Variants in ORC4 observed in about 807,000 individuals in gnomAD.
ORC4 encodes the protein origin recognition complex, subunit 4 homolog.
In ORC4, 55 loss-of-function variants were observed where a neutral mutation model predicts 63.9. The ratio of observed to expected loss-of-function variants is 0.86; its 90% CI spans 0.69 to 1.08. ORC4 has a LOEUF of 1.08. ORC4 is among the 50% of genes least tolerant of loss of function. The probability of loss-of-function intolerance (pLI) is 0.00; values close to 1 mark genes in which losing one functional copy is unlikely to be tolerated. For missense variants in ORC4, 511 were observed against 504.4 expected, an observed-to-expected ratio of 1.01 and a Z score of -0.13; for synonymous variants, 150 against 168.5, an observed-to-expected ratio of 0.89 and a Z score of 0.85.
At chr2:148,016,738 G>A (rs1434097131) in intron 1 of ORC4, among the ~76,000 whole-genome samples, 1 of 152,184 alleles carries the variant, frequency 6.6e-6, no homozygotes, top group Non-Finnish European at 1.5e-5. Flanking sequence ...AAAATGTGTT[G>A]ATTGTAATGA....
intron 9 of ORC4, among the ~76,000 whole-genome samples, 169 bp from the exon 10 acceptor site, chr2:147,943,691 T>C (rs1286314443): frequency 6.6e-6 from 1 of 152,136 alleles, no homozygotes; most frequent in Non-Finnish European, 1.5e-5. Context: ...CAAAATAAAG[T>C]TTCCAGTCTA....
intron 1 of ORC4, among the ~76,000 whole-genome samples, chr2:147,987,017 T>A (rs1327691708): frequency 6.6e-6 from 1 of 152,018 alleles, no homozygotes; most frequent in African/African-American, 2.4e-5. Context: ...ACATGAAGTG[T>A]AAAAAAGGAA....
intron 6 of ORC4, 151 bp downstream of exon 6, chr2:147,958,147 T>C: frequency 1.7e-6 from 1 of 598,426 alleles, no homozygotes; most frequent in Non-Finnish European, 2.9e-6. Flanking sequence ...AAATGTATCC[T>C]ATACATTACA....
At chr2:147,939,364 T>TA in intron 10 of ORC4, 116 bp from the exon 11 acceptor site, 2 of 693,618 alleles carry the variant, frequency 2.9e-6, no homozygotes. Context: ...ATATTAATGC[T>TA]TAGGAAGGTA....
intron 6 of ORC4, among the ~76,000 whole-genome samples, chr2:147,956,755 T>A (rs1477258629): frequency 6.6e-6 from 1 of 152,062 alleles, no homozygotes; most frequent in Non-Finnish European, 1.5e-5. Flanking sequence ...AAACTAATAA[T>A]CTCTATATAT....
chr2:147,945,526 T>C (rs1215954927), intron 9 of ORC4, among the ~76,000 whole-genome samples: 1 of 152,072 alleles, frequency 6.6e-6, no homozygotes, highest in African/African-American at 2.4e-5. Flanking sequence ...CTACAGTACT[T>C]TGGGAGATTT....
intron 8 of ORC4, among the ~76,000 whole-genome samples, chr2:147,950,943 AT>A (rs35962777): frequency 4.5e-4 from 65 of 145,134 alleles, no homozygotes; most frequent in African/African-American, 4.6e-4. Flanking sequence ...CCAAAGGAAG[AT>A]TTTTTTTTTT....
Position 147,958,339 on chromosome 2 carries a change from T to G in ORC4, c.346A>C (p.Arg116=), listed in dbSNP as rs781521992. The change falls in exon 6 of 14, where the codon AGG becomes CGG. Residue 116 remains arginine (R), a synonymous_variant. Coordinates refer to ENST00000392857, the MANE Select transcript of ORC4 (RefSeq NM_181741.4). ...ACTACATTTTCCAGATTTAACTGCC[T>G]TGTGATTTCCTTTAGGGCGATTTTG... ...NDKIALKEIT[R]QLNLENVVGD... 4 of 1,612,404 alleles carry G rather than the reference T, an allele frequency of 2.5e-6. No homozygotes were observed. The African/African-American group carries it at 5.3e-5, about 22-fold the overall frequency.
Position 148,002,332 on chromosome 2 carries a change from AC to A in ORC4, c.-18+18300del, listed in dbSNP as rs1009452625. ...TACATTCTTCTCAGCACCACATCGCACTTATTCTAAAATTGACCACATAATT... is the reference window on the plus strand; with the variant it reads ...TACATTCTTCTCAGCACCACATCGCATTATTCTAAAATTGACCACATAATT... On this transcript the variant is annotated intron_variant, in intron 1 of 13. Coordinates refer to ENST00000392857, the MANE Select transcript of ORC4 (RefSeq NM_181741.4). Among the ~76,000 whole-genome samples, 20 of 152,300 alleles carry A rather than the reference AC, an allele frequency of 1.3e-4. No homozygotes were observed. In the South Asian group the frequency reaches 1.7e-3, roughly 13 times the overall value.
chr2:147,955,088 T>TA (rs577306996), intron 7 of ORC4, among the ~76,000 whole-genome samples: 166 of 152,112 alleles, frequency 1.1e-3, no homozygotes, highest in Middle Eastern at 0.01. Flanking sequence ...TTTATTGTTG[T>TA]AAAAAATCAC....
chr2:147,957,136 T>C (rs1488019476), intron 6 of ORC4, among the ~76,000 whole-genome samples: 1 of 147,712 alleles, frequency 6.8e-6, no homozygotes, highest in Non-Finnish European at 1.5e-5. Context: ...GATTATAATC[T>C]ATAATTACAT....
chr2:147,935,574 T>C lies in ORC4; in HGVS notation c.1247A>G (p.Gln416Arg). ...ATCTGTAGGACAGTTGGGATATTTCTGCAGAGCATTCATAATTTGAGTATT... is the reference window on the plus strand; with the variant it reads ...ATCTGTAGGACAGTTGGGATATTTCCGCAGAGCATTCATAATTTGAGTATT... ...LDNTQIMNAL[Q>R]KYPNCPTDVR... Residue 416 changes from glutamine (Q) to arginine (R), a missense_variant, in exon 14 of 14, where the codon CAG becomes CGG. Gln to Arg is a conservative substitution (Grantham distance 43). Transcript: ENST00000392857. 1 of 1,613,938 alleles carries C rather than the reference T, an allele frequency of 6.2e-7. No individual in the cohort carries two copies. The highest frequency in any genetic ancestry group is 1.3e-5 in the African/African-American group (1 of 75,056).
At chr2:148,006,255 G>A (rs1412754531) in intron 1 of ORC4, among the ~76,000 whole-genome samples, 1 of 152,152 alleles carries the variant, frequency 6.6e-6, no homozygotes, top group Non-Finnish European at 1.5e-5. Flanking sequence ...AGGGCATTCT[G>A]CTGGTGCCCA....
chr2:147,993,605 T>C (rs1006954577), intron 1 of ORC4, among the ~76,000 whole-genome samples: 5 of 152,168 alleles, frequency 3.3e-5, no homozygotes, highest in African/African-American at 1.2e-4. Context: ...CCCATCAGCA[T>C]GCTTAGGTAA....
rs1687880729 is a variant in ORC4, at chr2:147,933,494, A to C, written c.*2016T>G. ...TTTGCTTTATAACGGTTTCATGTTT[A>C]CCTCAATTGGTACTTAGTCTTAAAA... On this transcript the variant is annotated 3_prime_UTR_variant, in exon 14 of 14. Coordinates refer to ENST00000392857, the MANE Select transcript of ORC4 (RefSeq NM_181741.4). 1 of 151,994 alleles carries C rather than the reference A, an allele frequency of 6.6e-6. No individual in the cohort carries two copies. Among genetic ancestry groups the C allele is most frequent in the South Asian group, 2.1e-4 (1 of 4,816 alleles). The allele number at this position is 151,994 out of a possible 1,614,324, so 9.4% of individuals were successfully genotyped here.
chr2:147,934,835 C>T lies in ORC4; in HGVS notation c.*675G>A, dbSNP rs1424148124. ...ACCAAAATGTTACGTGGTGCCATGACTATACTTGTTAAGAAGGAAAATTCC... is the reference window on the plus strand; with the variant it reads ...ACCAAAATGTTACGTGGTGCCATGATTATACTTGTTAAGAAGGAAAATTCC... On this transcript the variant is annotated 3_prime_UTR_variant, in exon 14 of 14. Transcript: ENST00000392857. 1.3e-5 allele frequency: 2 copies of T among 152,176 alleles called. No homozygotes were observed. Among genetic ancestry groups the T allele is most frequent in the African/African-American group, 4.8e-5 (2 of 41,416 alleles). The allele number at this position is 152,176 out of a possible 1,614,324, so 9.4% of individuals were successfully genotyped here.
chr2:147,958,756 C>T (rs1427108935), intron 5 of ORC4, 35 bp downstream of exon 5: 1 of 1,038,954 alleles, frequency 9.6e-7, no homozygotes, highest in Non-Finnish European at 1.5e-6. Context: ...ACAAAGTTTA[C>T]ATAATCTCCA....
At chr2:148,012,062 C>T (rs1693002417) in intron 1 of ORC4, among the ~76,000 whole-genome samples, 1 of 151,816 alleles carries the variant, frequency 6.6e-6, no homozygotes, top group South Asian at 2.1e-4. Context: ...CTATCAAGAG[C>T]AATGACATTC....
At chr2:147,975,872 A>T (rs769830244) in intron 2 of ORC4, 30 bp downstream of exon 2, 1 of 1,278,984 alleles carries the variant, frequency 7.8e-7, no homozygotes, top group South Asian at 1.2e-5. Context: ...AGGGTAAAAT[A>T]TCTTGAGATT....
Sources: allele counts gnomAD v4.1 joint callset (sites outside exome capture counted in the v4.1 genomes callset), GRCh38; gene constraint gnomAD v4.1.1; transcripts MANE v1.5; gene names NCBI Gene and HGNC (gene_info 2026-07-23, HGNC 2026-07-21).